HSF2BP: variants seen among roughly 807,000 people sequenced by gnomAD.
The protein encoded by HSF2BP is heat shock transcription factor 2 binding protein.
In HSF2BP, 35 loss-of-function variants were observed where a neutral mutation model predicts 35.0. The ratio of observed to expected loss-of-function variants is 1.00; its 90% CI spans 0.76 to 1.32. The LOEUF is 1.32. Among genes scored for constraint, HSF2BP ranks in the 40% most tolerant of loss-of-function variants. HSF2BP has a pLI of 0.00. For synonymous variants in HSF2BP, 114 were observed against 117.4 expected, an observed-to-expected ratio of 0.97 and a Z score of 0.18; for missense variants, 326 against 321.7, an observed-to-expected ratio of 1.01 and a Z score of -0.10.
chr21:43,615,968 T>C (rs1398272685), intron 6 of HSF2BP, among the ~76,000 whole-genome samples: 1 of 151,854 alleles, frequency 6.6e-6, no homozygotes, highest in South Asian at 2.1e-4. Context: ...AAGATAAATG[T>C]TAAGACTTTA....
intron 5 of HSF2BP, among the ~76,000 whole-genome samples, chr21:43,632,965 T>C (rs1396722690): frequency 6.6e-6 from 1 of 152,146 alleles, no homozygotes. Flanking sequence ...AAATACTATA[T>C]TAACCATGAG....
intron 8 of HSF2BP, among the ~76,000 whole-genome samples, chr21:43,576,536 G>A (rs1280952838): frequency 7.9e-5 from 12 of 152,240 alleles, no homozygotes; most frequent in Non-Finnish European, 1.5e-4. Context: ...TGACAAAGGC[G>A]CCAGTCATGT....
chr21:43,619,939 G>A (rs988076771), intron 6 of HSF2BP, among the ~76,000 whole-genome samples: 11 of 152,174 alleles, frequency 7.2e-5, no homozygotes, highest in Non-Finnish European at 1.0e-4. Context: ...CCACACTGCC[G>A]GGTTATCCTC....
chr21:43,572,178 A>G (rs1170315416), intron 8 of HSF2BP, among the ~76,000 whole-genome samples: 2 of 152,148 alleles, frequency 1.3e-5, no homozygotes, highest in Admixed American at 6.5e-5. Flanking sequence ...AAGAGAGAAC[A>G]CAGGGCGAGC....
intron 8 of HSF2BP, among the ~76,000 whole-genome samples, chr21:43,589,975 GA>G (rs1188752795): frequency 6.6e-6 from 1 of 152,138 alleles, no homozygotes; most frequent in Admixed American, 6.5e-5. Flanking sequence ...ACTGATTTAG[GA>G]AAAAATTTCT....
At chr21:43,649,450 A>G (rs746781203) in intron 3 of HSF2BP, among the ~76,000 whole-genome samples, 3 of 151,726 alleles carry the variant, frequency 2.0e-5, no homozygotes, top group African/African-American at 4.8e-5. Flanking sequence ...AAGAAAGAAA[A>G]ATCTGTTGGT....
chr21:43,604,972 C>CCA (rs1275547091), intron 7 of HSF2BP, among the ~76,000 whole-genome samples: 1 of 147,976 alleles, frequency 6.8e-6, no homozygotes. Context: ...ACACTACACA[C>CCA]CACACACACA....
Position 43,656,683 on chromosome 21 carries a change from G to C in HSF2BP, c.91C>G (p.Leu31Val), listed in dbSNP as rs1601739976. The C allele has an allele frequency of 6.2e-7, 1 of 1,613,972 alleles. No homozygotes were observed. The highest frequency in any genetic ancestry group is 1.3e-5 in the African/African-American group (1 of 75,034). Residue 31 changes from leucine (L) to valine (V), a missense_variant, in exon 3 of 9, where the codon CTG (leucine) becomes GTG (valine). Leu to Val is a conservative substitution (Grantham distance 32). Transcript: ENST00000291560. ...VKVRKKDLER[L>V]TTEVMQIRDF... Reference sequence around the variant, plus strand: ...CGTATTTGCATCACTTCAGTTGTCAGCCGTTCCAGATCCTTCTTTCTGACT... The same window carrying C: ...CGTATTTGCATCACTTCAGTTGTCACCCGTTCCAGATCCTTCTTTCTGACT...
chr21:43,644,237 T>C, intron 4 of HSF2BP, 52 bp downstream of exon 4: 1 of 1,361,878 alleles, frequency 7.3e-7, no homozygotes, highest in Non-Finnish European at 1.1e-6. Context: ...TGAAAGGCTG[T>C]AAGCCAGCCC....
At chr21:43,585,438 G>A (rs978330898) in intron 8 of HSF2BP, among the ~76,000 whole-genome samples, 1 of 152,086 alleles carries the variant, frequency 6.6e-6, no homozygotes, top group African/African-American at 2.4e-5. Flanking sequence ...TGGAACATAG[G>A]GAGACCTATA....
At chr21:43,584,836 G>A (rs764175862) in intron 8 of HSF2BP, among the ~76,000 whole-genome samples, 8 of 152,246 alleles carry the variant, frequency 5.3e-5, no homozygotes, top group South Asian at 2.1e-4. Flanking sequence ...ACCTGAGGTG[G>A]GACCGGGGCT....
intron 3 of HSF2BP, among the ~76,000 whole-genome samples, chr21:43,649,064 AAT>A (rs2082747110): frequency 6.6e-6 from 1 of 151,864 alleles, no homozygotes; most frequent in Non-Finnish European, 1.5e-5. Flanking sequence ...TAATTAAAAA[AAT>A]TTTTTTGAGA....
the HSF2BP span, among the ~76,000 whole-genome samples, chr21:43,496,167 C>T: frequency 1.5e-5 from 2 of 130,090 alleles, 1 homozygote; most frequent in Non-Finnish European, 3.4e-5. Context: ...CACACACACA[C>T]ATCTGCTAAA....
At chr21:43,629,751 C>T (rs1298487477) in intron 6 of HSF2BP, among the ~76,000 whole-genome samples, 2 of 152,206 alleles carry the variant, frequency 1.3e-5, no homozygotes, top group Non-Finnish European at 2.9e-5. Context: ...ATGGAATCTA[C>T]TCTTGGTGAA....
In HSF2BP at chr21:43,574,409, A is replaced by G. The variant is rs935849514; in HGVS notation, c.796+17816T>C. ...GTCTCGCTCTGTCGCCCAGGCTGGA[A>G]TGCAGTGGTGCGATCTCGGATCACC... On this transcript the variant is annotated intron_variant, in intron 8 of 8. Coordinates refer to ENST00000291560, the MANE Select transcript of HSF2BP (RefSeq NM_007031.2). Among the ~76,000 whole-genome samples, 10 of 151,658 alleles carry G rather than the reference A, an allele frequency of 6.6e-5. No individual in the cohort carries two copies. The East Asian group carries it at 9.7e-4, about 15-fold the overall frequency.
At position 43,592,341 on chromosome 21, in the gene HSF2BP, A is replaced by G. The variant is rs370089943; in HGVS notation, c.693-13T>C. 2.5e-6 allele frequency: 4 copies of G among 1,571,758 alleles called. No homozygotes were observed. Among genetic ancestry groups the G allele is most frequent in the African/African-American group, 2.7e-5 (2 of 74,086 alleles). On this transcript the variant is annotated splice_polypyrimidine_tract_variant and intron_variant, in intron 7 of 8. Transcript: ENST00000291560. ...CATCAGCATTAGCCTGAAATGTAAAAGAAAAAGGTGTTGGAATGCTCCATC... is the reference window on the plus strand; with the variant it reads ...CATCAGCATTAGCCTGAAATGTAAAGGAAAAAGGTGTTGGAATGCTCCATC...
chr21:43,607,237 C>A (rs777476442), intron 7 of HSF2BP, among the ~76,000 whole-genome samples: 3 of 151,776 alleles, frequency 2.0e-5, no homozygotes, highest in Admixed American at 6.6e-5. Context: ...CTGCAGTGAG[C>A]CGTGATTATG....
intron 8 of HSF2BP, among the ~76,000 whole-genome samples, chr21:43,586,129 A>C (rs982035242): frequency 6.6e-6 from 1 of 152,226 alleles, no homozygotes; most frequent in African/African-American, 2.4e-5. Flanking sequence ...ACTAGTCTGC[A>C]TTAACAGTTA....
intron 7 of HSF2BP, among the ~76,000 whole-genome samples, chr21:43,612,556 C>G (rs1428690195): frequency 6.8e-6 from 1 of 146,998 alleles, no homozygotes; most frequent in Non-Finnish European, 1.5e-5. Flanking sequence ...AAGGCTGAGG[C>G]AGGAGAATGG....
Sources: allele counts gnomAD v4.1 joint callset (sites outside exome capture counted in the v4.1 genomes callset), GRCh38; gene constraint gnomAD v4.1.1; transcripts MANE v1.5; gene names NCBI Gene and HGNC (gene_info 2026-07-23, HGNC 2026-07-21).